Variants in PSMC4 observed in about 807,000 individuals in gnomAD.
The protein encoded by PSMC4 is 26S proteasome regulatory subunit 6B.
A neutral mutation model predicts 48.4 loss-of-function variants in PSMC4; 13 were observed. The observed-to-expected ratio is 0.27, with a 90% CI of 0.18 to 0.43. The LOEUF (loss-of-function observed/expected upper bound fraction) is 0.43, where lower values mean the gene tolerates loss of function less well. PSMC4 is among the 20% of genes least tolerant of loss of function. PSMC4 has a pLI of 1.00. For synonymous variants in PSMC4, 202 were observed against 212.3 expected (o/e 0.95, Z 0.42); for missense variants, 262 against 555.9 (o/e 0.47, Z 5.32).
rs117844987 is a variant in PSMC4 at position 39,973,538 on chromosome 19, G to A, written c.323-756G>A. Among the ~76,000 whole-genome samples the A allele has an allele frequency of 6.7e-3, 990 of 147,088 alleles. 5 individuals are homozygous for A. Among genetic ancestry groups the A allele is most frequent in the Non-Finnish European group, 0.012 (786 of 67,312 alleles). On this transcript the variant is annotated intron_variant, in intron 3 of 10. Transcript: ENST00000157812. ...GTGGAGGTTGCAGTGAGCCGAGATC[G>A]TGACACTGTACTACAGCCTGGGTGA...
intron 6 of PSMC4, among the ~76,000 whole-genome samples, chr19:39,977,587 C>T (rs907383289): frequency 2.6e-5 from 4 of 151,952 alleles, no homozygotes; most frequent in East Asian, 1.9e-4. Flanking sequence ...TTCAGGAGGC[C>T]GAGGTGGGCA....
In PSMC4 at chr19:39,974,969, C is replaced by G. The variant is rs930669490; in HGVS notation, c.673+141C>G. ...GTGTGCATGTTACTGGCTGTGCTGA[C>G]TTCACCTCCTTGGGCCTCTCCTAGT... is the stretch of plus-strand genomic sequence containing the variant. On this transcript the variant is annotated intron_variant, in intron 6 of 10. Coordinates refer to ENST00000157812, the MANE Select transcript of PSMC4 (RefSeq NM_006503.4). This position sits in a 1 kb window ranked among gnomAD's most constrained non-coding sequence, Gnocchi z 5.5. The G allele has an allele frequency of 2.6e-6, 2 of 783,446 alleles. No homozygotes were observed. Among genetic ancestry groups the G allele is most frequent in the Admixed American group, 2.7e-5 (1 of 37,644 alleles). 48.5% of individuals were successfully genotyped at this position (783,446 alleles called of 1,614,324 possible). A position where few individuals can be genotyped will look rare whatever the true frequency, so the allele number is the denominator to read the frequency against.
Position 39,971,258 on chromosome 19 carries a change from T to C in PSMC4, c.36+20T>C. 6.2e-7 allele frequency: 1 copy of C among 1,613,720 alleles called. No individual in the cohort carries two copies. On this transcript the variant is annotated intron_variant, in intron 1 of 10. Coordinates refer to ENST00000157812, the MANE Select transcript of PSMC4 (RefSeq NM_006503.4). ...GCTCAGGTACAGTGGGGACTTGGGC[T>C]TTTTAGTCCGGGCCGGGCTCGCGGG...
Position 39,980,242 on chromosome 19 carries a change from G to T in PSMC4, c.919-44G>T, listed in dbSNP as rs756632916. The T allele has an allele frequency of 3.2e-5, 52 of 1,613,638 alleles. No individual in the cohort carries two copies. The Middle Eastern group carries it at 4.9e-4, about 15-fold the overall frequency. ...GGGGTGGTTATCGTGACAGGAAGGA[G>T]GTAGGAGTGCAGAGATCTGAGCTGG... On this transcript the variant is annotated intron_variant, in intron 8 of 10. Coordinates refer to ENST00000157812, the MANE Select transcript of PSMC4 (RefSeq NM_006503.4). The surrounding 1 kb of genome is among the most constrained non-coding windows in gnomAD (Gnocchi z 4.8).
At chr19:39,971,338 C>A in intron 1 of PSMC4, 100 bp downstream of exon 1, 1 of 1,471,990 alleles carries the variant, frequency 6.8e-7, no homozygotes, top group Admixed American at 1.8e-5. Flanking sequence ...GGACCCCGGC[C>A]CAGGTTGGGG....
chr19:39,980,607 C>T lies in PSMC4; in HGVS notation c.1088-55C>T, dbSNP rs1341362774. On this transcript the variant is annotated intron_variant, in intron 9 of 10. Coordinates refer to ENST00000157812, the MANE Select transcript of PSMC4 (RefSeq NM_006503.4). This position sits in a 1 kb window ranked among gnomAD's most constrained non-coding sequence, Gnocchi z 4.8. The stretch of plus-strand genomic sequence containing the variant: ...GACAGAGATGGCCAAAGATGACTTC[C>T]AGCCCCAGGCATTTACCCCATCACA... 6.2e-7 allele frequency: 1 copy of T among 1,602,672 alleles called. No homozygotes were observed. The highest frequency in any genetic ancestry group is 8.5e-7 in the Non-Finnish European group (1 of 1,169,982).
Position 39,981,345 on chromosome 19 carries a change from C to A in PSMC4, c.*40C>A. ...CCACCACACCACTCAGGGGCTGGGGCTTCTCTCGCACCCCCAGCACCTCTG... is the reference window on the plus strand; with the variant it reads ...CCACCACACCACTCAGGGGCTGGGGATTCTCTCGCACCCCCAGCACCTCTG... On this transcript the variant is annotated 3_prime_UTR_variant, in exon 11 of 11. Coordinates refer to ENST00000157812, the MANE Select transcript of PSMC4 (RefSeq NM_006503.4). The A allele has an allele frequency of 1.4e-6, 2 of 1,442,068 alleles. No individual in the cohort carries two copies. The highest frequency in any genetic ancestry group is 2.0e-6 in the Non-Finnish European group (2 of 1,023,790). 89.3% of individuals were successfully genotyped at this position (1,442,068 alleles called of 1,614,324 possible).
intron 6 of PSMC4, among the ~76,000 whole-genome samples, chr19:39,976,926 T>G (rs1384007354): frequency 6.6e-6 from 1 of 150,766 alleles, no homozygotes; most frequent in Non-Finnish European, 1.5e-5. Flanking sequence ...CTTGGTTCAC[T>G]GCAACCTCTG....
chr19:39,974,765 A>T lies in PSMC4; in HGVS notation c.610A>T (p.Met204Leu). The stretch of plus-strand genomic sequence containing the variant: ...CATCGATCCCCCCCGAGGCGTCCTC[A>T]TGTATGGCCCACCTGGCTGTGGGAA... ...IGIDPPRGVL[M>L]YGPPGCGKTM... The change falls in exon 6 of 11, where the codon ATG becomes TTG. Residue 204 changes from methionine (M) to leucine (L), a missense_variant. This residue lies in a region of PSMC4 where 131 missense variants were observed against 276.7 expected (regional missense o/e 0.47). Transcript: ENST00000157812. The surrounding 1 kb of genome is among the most constrained non-coding windows in gnomAD (Gnocchi z 5.5). The T allele has an allele frequency of 6.2e-7, 1 of 1,614,046 alleles. No individual in the cohort carries two copies. The highest frequency in any genetic ancestry group is 8.5e-7 in the Non-Finnish European group (1 of 1,179,988).
chr19:39,976,698 A>G (rs1971205485), intron 6 of PSMC4, among the ~76,000 whole-genome samples: 1 of 151,364 alleles, frequency 6.6e-6, no homozygotes, highest in South Asian at 2.1e-4. Context: ...TTTAGTAGAG[A>G]CGGGGTTTCA....
At chr19:39,976,378 G>C (rs1205637327) in intron 6 of PSMC4, among the ~76,000 whole-genome samples, 2 of 136,542 alleles carry the variant, frequency 1.5e-5, no homozygotes, top group African/African-American at 5.5e-5. Flanking sequence ...CTTCAGCCTG[G>C]GTGACAGAGT....
intron 3 of PSMC4, among the ~76,000 whole-genome samples, chr19:39,973,348 C>T (rs1005833162): frequency 6.6e-6 from 1 of 152,040 alleles, no homozygotes; most frequent in Non-Finnish European, 1.5e-5. Context: ...CTTTGGGAGA[C>T]TCAGGTGGGC....
rs1971170994 is a variant in PSMC4, at chr19:39,974,740, C to T, written c.585C>T (p.Gly195=). Residue 195 remains glycine (G), a synonymous_variant, in exon 6 of 11, where the codon GGC becomes GGT. Coordinates refer to ENST00000157812, the MANE Select transcript of PSMC4 (RefSeq NM_006503.4). The surrounding 1 kb of genome is among the most constrained non-coding windows in gnomAD (Gnocchi z 5.5). ...TTCCTTCCTCTGGGTTTCAGATCGGCATCGATCCCCCCCGAGGCGTCCTCA... is the reference window on the plus strand; with the variant it reads ...TTCCTTCCTCTGGGTTTCAGATCGGTATCGATCCCCCCCGAGGCGTCCTCA... The part of the protein sequence containing the change: ...LTHFELYKQI[G]IDPPRGVLMY... The T allele has an allele frequency of 1.2e-6, 2 of 1,614,124 alleles. No individual in the cohort carries two copies. Among genetic ancestry groups the T allele is most frequent in the Non-Finnish European group, 8.5e-7 (1 of 1,179,986 alleles).
At chr19:39,972,071 C>G (rs574679816) in intron 1 of PSMC4, 75 bp from the exon 2 acceptor site, 2 of 1,384,732 alleles carry the variant, frequency 1.4e-6, no homozygotes, top group Non-Finnish European at 2.0e-6. Flanking sequence ...GGGAGGGGAA[C>G]AAACATTAGT....
intron 6 of PSMC4, among the ~76,000 whole-genome samples, chr19:39,975,223 C>T (rs1374336510): frequency 6.6e-6 from 1 of 152,092 alleles, no homozygotes; most frequent in East Asian, 1.9e-4. Context: ...AAACTTGTTT[C>T]ATACAGATGT....
chr19:39,980,280 T>C lies in PSMC4; in HGVS notation c.919-6T>C, dbSNP rs1230459118. 8.1e-6 allele frequency: 13 copies of C among 1,613,742 alleles called. 1 individual carries two copies. The East Asian group carries it at 1.3e-4, about 17-fold the overall frequency. On this transcript the variant is annotated splice_polypyrimidine_tract_variant and splice_region_variant and intron_variant, in intron 8 of 10. Coordinates refer to ENST00000157812, the MANE Select transcript of PSMC4 (RefSeq NM_006503.4). This position sits in a 1 kb window ranked among gnomAD's most constrained non-coding sequence, Gnocchi z 4.8. ...AGATCTGAGCTGGCCTGCCCCCCAA[T>C]GTCAGGTAATCATGGCCACAAACAG...
intron 6 of PSMC4, among the ~76,000 whole-genome samples, chr19:39,976,352 A>T (rs1456724036): frequency 7.6e-6 from 1 of 131,178 alleles, no homozygotes; most frequent in East Asian, 2.6e-4. Context: ...CAGTGAGCCG[A>T]GATGGCGCCA....
intron 6 of PSMC4, among the ~76,000 whole-genome samples, chr19:39,977,637 T>C (rs1270232283): frequency 1.3e-5 from 2 of 151,874 alleles, no homozygotes; most frequent in Non-Finnish European, 2.9e-5. Context: ...CTGGCAAACA[T>C]AGTGAAACCC....
intron 3 of PSMC4, among the ~76,000 whole-genome samples, chr19:39,972,886 C>T (rs1427945564): frequency 2.0e-5 from 3 of 151,982 alleles, no homozygotes; most frequent in African/African-American, 4.8e-5. Flanking sequence ...GCTGGGATTA[C>T]AGGCATGGAC....
Sources: gnomAD v4.1 joint callset for allele counts (sites outside exome capture counted in the v4.1 genomes callset) on GRCh38, gnomAD v4.1.1 for gene constraint, gnomAD v4.1.1 regional missense constraint, Gnocchi (gnomAD v3.1) non-coding constraint, MANE v1.5 for transcripts, NCBI Gene and HGNC (gene_info 2026-07-23, HGNC 2026-07-21) for gene names.